The following PRKACB variants were observed in gnomAD, a reference collection of about 807,000 sequenced individuals.
PRKACB encodes the protein protein kinase cAMP-activated catalytic subunit beta.
Under a neutral mutation model 51.4 loss-of-function variants are expected in PRKACB, and 16 were observed. That is an observed-to-expected ratio of 0.31 (90% CI 0.21 to 0.47). PRKACB has a LOEUF of 0.47. PRKACB is among the 20% of genes least tolerant of loss of function. The pLI, the probability that PRKACB is intolerant of heterozygous loss-of-function variation, is 1.00. For missense variants in PRKACB, 309 were observed against 464.5 expected, an observed-to-expected ratio of 0.67 and a Z score of 3.08; for synonymous variants, 147 against 154.4, an observed-to-expected ratio of 0.95 and a Z score of 0.35.
At chr1:84,186,708 G>A (rs894150323) in intron 5 of PRKACB, among the ~76,000 whole-genome samples, 1 of 151,984 alleles carries the variant, frequency 6.6e-6, no homozygotes, top group African/African-American at 2.4e-5. Flanking sequence ...TTATTCCTTG[G>A]TGCTCGGATG....
intron 8 of PRKACB, among the ~76,000 whole-genome samples, chr1:84,211,417 A>G (rs1446654907): frequency 6.6e-6 from 1 of 152,204 alleles, no homozygotes. Flanking sequence ...GTTTAGATTT[A>G]TCACTGGAAA....
chr1:84,078,352 A>G (rs1301905407), exon 1 of PRKACB: 1 of 1,611,260 alleles, frequency 6.2e-7, no homozygotes, highest in Middle Eastern at 1.7e-4. Context: ...CCGCCAAGAA[A>G]GGCAGCGAGG....
intron 5 of PRKACB, among the ~76,000 whole-genome samples, chr1:84,189,532 A>T (rs944395096): frequency 5.3e-5 from 8 of 151,836 alleles, no homozygotes; most frequent in African/African-American, 1.9e-4. Flanking sequence ...AAGCAAAAAG[A>T]TATACCTTTC....
intron 9 of PRKACB, among the ~76,000 whole-genome samples, chr1:84,221,989 T>C (rs1673799223): frequency 1.3e-5 from 2 of 152,286 alleles, no homozygotes; most frequent in Middle Eastern, 3.4e-3. Context: ...GTTGATTCTC[T>C]CTCTCAATAA....
rs1181510518 is a variant in PRKACB, at chr1:84,237,154, A to G, written c.*1849A>G. On this transcript the variant is annotated 3_prime_UTR_variant, in exon 10 of 10. Coordinates refer to ENST00000370685, the MANE Select transcript of PRKACB (RefSeq NM_182948.4). ...CATCTATATTTAAAACGTGCAAGAA[A>G]AAAATAAAATACTCTGCTCTAGCAA... 1.3e-5 allele frequency: 2 copies of G among 152,628 alleles called. No homozygotes were observed. The highest frequency in any genetic ancestry group is 2.4e-5 in the African/African-American group (1 of 41,462). 9.5% of individuals were successfully genotyped at this position (152,628 alleles called of 1,614,324 possible). A position where few individuals can be genotyped will look rare whatever the true frequency, so the allele number is the denominator to read the frequency against.
chr1:84,181,762 TTATC>T, intron 2 of PRKACB: 1 of 1,416,508 alleles, frequency 7.1e-7, no homozygotes. Context: ...ATCCCTCAGT[TTATC>T]TATTCATTAC....
intron 9 of PRKACB, among the ~76,000 whole-genome samples, chr1:84,224,674 A>G (rs747361090): frequency 2.0e-5 from 3 of 152,138 alleles, no homozygotes; most frequent in Non-Finnish European, 4.4e-5. Flanking sequence ...ACGTGGGCAC[A>G]GGCTGTGTTG....
chr1:84,093,707 T>C (rs952827303), intron 1 of PRKACB, among the ~76,000 whole-genome samples: 23 of 152,164 alleles, frequency 1.5e-4, no homozygotes, highest in African/African-American at 5.3e-4. Flanking sequence ...ATCTTTATGA[T>C]ATTGAATTTT....
At chr1:84,150,119 G>A (rs1013755651) in intron 1 of PRKACB, among the ~76,000 whole-genome samples, 1 of 151,684 alleles carries the variant, frequency 6.6e-6, no homozygotes, top group Admixed American at 6.6e-5. Flanking sequence ...GCAAAAATTA[G>A]CCAGGCTCCA....
At chr1:84,214,371 T>C in intron 9 of PRKACB, 54 bp downstream of exon 9, 1 of 1,437,964 alleles carries the variant, frequency 7.0e-7, no homozygotes, top group Non-Finnish European at 9.3e-7. Context: ...GTTTAAATTA[T>C]ATGTGGTGGA....
chr1:84,185,855 T>C (rs1233477347), intron 5 of PRKACB, among the ~76,000 whole-genome samples: 1 of 152,110 alleles, frequency 6.6e-6, no homozygotes, highest in Non-Finnish European at 1.5e-5. Context: ...TTCAGTATAG[T>C]GTGTTGAAGT....
chr1:84,192,724 T>C (rs1312272366), intron 5 of PRKACB, among the ~76,000 whole-genome samples: 1 of 152,100 alleles, frequency 6.6e-6, no homozygotes, highest in Admixed American at 6.6e-5. Flanking sequence ...TTATTTGGAG[T>C]ATATGATTTT....
At position 84,199,052 on chromosome 1, in the gene PRKACB, T is replaced by C. The variant is rs567406478; in HGVS notation, c.783+1228T>C. On this transcript the variant is annotated intron_variant, in intron 7 of 9. Coordinates refer to ENST00000370685, the MANE Select transcript of PRKACB (RefSeq NM_182948.4). ...ACATATATACGCATATGTATGCATA[T>C]ATATATGCGTATATATGCATATATG... 5.8e-5 allele frequency among the ~76,000 whole-genome samples: 3 copies of C among 51,684 alleles called. No individual in the cohort carries two copies. In the East Asian group the frequency reaches 1.4e-3, roughly 24 times the overall value. The allele number at this position is 51,684 out of a possible 152,430, so 33.9% of individuals were successfully genotyped here. A position where few individuals can be genotyped will look rare whatever the true frequency, so the allele number is the denominator to read the frequency against.
chr1:84,125,386 G>A (rs1651486526), intron 1 of PRKACB, among the ~76,000 whole-genome samples: 1 of 152,166 alleles, frequency 6.6e-6, no homozygotes, highest in Non-Finnish European at 1.5e-5. Flanking sequence ...AAGGTTCTCT[G>A]CTTTCAAGAG....
At chr1:84,086,368 C>T (rs1460871097) in intron 1 of PRKACB, 20 of 609,962 alleles carry the variant, frequency 3.3e-5, no homozygotes, top group Admixed American at 5.7e-5. Context: ...GCGGACTGCC[C>T]AGGGGCCATC....
At chr1:84,108,794 T>A (rs1305669925) in intron 1 of PRKACB, among the ~76,000 whole-genome samples, 1 of 152,024 alleles carries the variant, frequency 6.6e-6, no homozygotes, top group Non-Finnish European at 1.5e-5. Flanking sequence ...CTGACAAAAT[T>A]TGCTTTTTTC....
intron 1 of PRKACB, among the ~76,000 whole-genome samples, chr1:84,101,936 T>C (rs1272924809): frequency 6.6e-6 from 1 of 152,212 alleles, no homozygotes; most frequent in East Asian, 1.9e-4. Flanking sequence ...CCTGCAGTTA[T>C]ATTTTTATGA....
rs550948972 is a variant in PRKACB at position 84,148,922 on chromosome 1, G to T, written c.187+4374G>T. On this transcript the variant is annotated intron_variant, in intron 1 of 9. Transcript: ENST00000370685. The stretch of plus-strand genomic sequence containing the variant: ...ATATGACAGAGTTAGAAGACAGCTT[G>T]CTACTCAAAGTGTGGTCCCTGTCCA... Among the ~76,000 whole-genome samples, 49 of 152,186 alleles carry T rather than the reference G, an allele frequency of 3.2e-4. No homozygotes were observed. The South Asian group carries it at 8.3e-3, about 26-fold the overall frequency.
At chr1:84,223,377 TG>T (rs67881406) in intron 9 of PRKACB, among the ~76,000 whole-genome samples, 120,650 of 133,634 alleles carry the variant, frequency 0.9, 55,025 homozygotes, top group East Asian at 0.95. Flanking sequence ...TTTGTTTTTT[TG>T]TTTTTTTTGA....
Sources: gnomAD v4.1 joint callset for allele counts (sites outside exome capture counted in the v4.1 genomes callset) on GRCh38, gnomAD v4.1.1 for gene constraint, MANE v1.5 for transcripts, NCBI Gene and HGNC (gene_info 2026-07-23, HGNC 2026-07-21) for gene names.